Variants in BCR observed in about 807,000 individuals in gnomAD.
The protein encoded by BCR is BCR activator of RhoGEF and GTPase.
BCR carries 58 observed loss-of-function variants against 138.6 expected under a neutral mutation model. The observed-to-expected ratio is 0.42, with a 90% CI of 0.34 to 0.52. The LOEUF (loss-of-function observed/expected upper bound fraction) is 0.52, where lower values mean the gene tolerates loss of function less well. Among genes scored for constraint, BCR ranks in the 20% least tolerant of loss-of-function variants. The pLI is 0.06. For missense variants in BCR, 1,599 were observed against 1,727.2 expected (o/e 0.93, Z 1.32); for synonymous variants, 786 against 730.1 (o/e 1.08, Z -1.23).
intron 1 of BCR, among the ~76,000 whole-genome samples, chr22:23,241,629 TAGAA>T (rs1304539023): frequency 1.3e-5 from 2 of 152,158 alleles, no homozygotes; most frequent in Admixed American, 6.5e-5. Flanking sequence ...CCTCAGGGAC[TAGAA>T]GCTCAGCATC....
chr22:23,225,783 C>G (rs539319135), intron 1 of BCR, among the ~76,000 whole-genome samples: 1 of 152,226 alleles, frequency 6.6e-6, no homozygotes, highest in South Asian at 2.1e-4. Flanking sequence ...TCATCCAAGA[C>G]TCCTCCCTTT....
At chr22:23,264,049 G>A (rs1395188685) in intron 4 of BCR, 3 of 1,036,404 alleles carry the variant, frequency 2.9e-6, no homozygotes, top group African/African-American at 3.1e-5. Flanking sequence ...CTGCTCTCCT[G>A]TGGCTATGAC....
At chr22:23,217,095 C>T in intron 1 of BCR, 1 of 438,296 alleles carries the variant, frequency 2.3e-6, no homozygotes, top group Admixed American at 2.5e-5. Context: ...GCTCCCACCA[C>T]AGGATTTTAG....
At chr22:23,262,710 CGGGCCCGGG>C in intron 4 of BCR, 1 of 772,774 alleles carries the variant, frequency 1.3e-6, no homozygotes, top group Non-Finnish European at 1.6e-6. Context: ...CGGGTGAGGG[CGGGCCCGGG>C]TGAGGGCGGG....
chr22:23,280,095 G>T (rs1011989162), intron 8 of BCR, among the ~76,000 whole-genome samples: 1 of 152,146 alleles, frequency 6.6e-6, no homozygotes, highest in African/African-American at 2.4e-5. Context: ...CCTCGCAAAG[G>T]CCCCACCTCC....
At chr22:23,189,414 T>C (rs934933751) in intron 1 of BCR, among the ~76,000 whole-genome samples, 13 of 152,198 alleles carry the variant, frequency 8.5e-5, no homozygotes, top group African/African-American at 2.4e-4. Context: ...TGGAGTCTTA[T>C]AATATTTGTC....
intron 22 of BCR, among the ~76,000 whole-genome samples, 168 bp from the exon 23 acceptor site, chr22:23,315,265 C>T (rs1179641011): frequency 6.6e-6 from 1 of 151,598 alleles, no homozygotes; most frequent in African/African-American, 2.4e-5. Flanking sequence ...CAAGTCATGC[C>T]TTGTCAGGAC....
chr22:23,261,401 T>A lies in BCR; in HGVS notation c.1613T>A (p.Leu538Gln). Reference protein sequence around the residue: ...KAAATTSQPVLTSQQIETIFF... With the variant: ...KAAATTSQPVQTSQQIETIFF... ...GCTGCCACCACCTCTCAGCCGGTGC[T>A]GACGAGTCAGCAGATCGAGACCATC... Residue 538 changes from leucine (L) to glutamine (Q), a missense_variant, in exon 4 of 23, where the codon CTG becomes CAG. Coordinates refer to ENST00000305877, the MANE Select transcript of BCR (RefSeq NM_004327.4). The A allele has an allele frequency of 6.2e-7, 1 of 1,613,886 alleles. No homozygotes were observed. The highest frequency in any genetic ancestry group is 8.5e-7 in the Non-Finnish European group (1 of 1,179,990).
intron 16 of BCR, among the ~76,000 whole-genome samples, chr22:23,300,626 G>A (rs545254555): frequency 3.3e-5 from 5 of 152,330 alleles, no homozygotes; most frequent in South Asian, 4.1e-4. Flanking sequence ...GAGACCGCCC[G>A]AAAATGGGTG....
At chr22:23,222,328 A>G (rs1016479435) in intron 1 of BCR, among the ~76,000 whole-genome samples, 1 of 152,210 alleles carries the variant, frequency 6.6e-6, no homozygotes, top group Non-Finnish European at 1.5e-5. Flanking sequence ...AGTAAGGCAT[A>G]GAAAACTGTC....
At chr22:23,276,667 C>T (rs946950843) in intron 8 of BCR, among the ~76,000 whole-genome samples, 1 of 152,344 alleles carries the variant, frequency 6.6e-6, no homozygotes, top group Admixed American at 6.5e-5. Context: ...ATGATAGATG[C>T]CTGTGCTTTG....
chr22:23,270,685 C>T (rs2073500274), intron 5 of BCR, among the ~76,000 whole-genome samples: 1 of 152,228 alleles, frequency 6.6e-6, no homozygotes, highest in Non-Finnish European at 1.5e-5. Context: ...AAGAGGTTGG[C>T]AGAGCAACCT....
At chr22:23,233,666 T>G (rs1408534796) in intron 1 of BCR, among the ~76,000 whole-genome samples, 2 of 151,862 alleles carry the variant, frequency 1.3e-5, no homozygotes, top group African/African-American at 4.8e-5. Context: ...CTTACACTCT[T>G]GTAGTCCCAG....
At chr22:23,301,436 CGT>C (rs1185310325) in intron 16 of BCR, among the ~76,000 whole-genome samples, 1 of 152,252 alleles carries the variant, frequency 6.6e-6, no homozygotes. Context: ...TCAGGGCCCC[CGT>C]CCCTGTTGCG....
intron 16 of BCR, among the ~76,000 whole-genome samples, chr22:23,301,120 A>G (rs1054507265): frequency 4.6e-5 from 7 of 152,252 alleles, no homozygotes; most frequent in African/African-American, 1.7e-4. Context: ...CCTGACCAAC[A>G]TGGTGAAACC....
intron 1 of BCR, among the ~76,000 whole-genome samples, chr22:23,202,545 C>T (rs985408341): frequency 6.6e-6 from 1 of 152,142 alleles, no homozygotes; most frequent in Non-Finnish European, 1.5e-5. Flanking sequence ...GTCCCTGTAA[C>T]CACCATTCTA....
intron 4 of BCR, chr22:23,263,348 G>GGC: frequency 8.3e-7 from 1 of 1,199,776 alleles, no homozygotes; most frequent in Non-Finnish European, 1.2e-6. Context: ...AGATAGCCTG[G>GGC]GCCTCGCTCA....
chr22:23,282,676 G>A (rs2073661763), intron 8 of BCR, among the ~76,000 whole-genome samples: 1 of 152,210 alleles, frequency 6.6e-6, no homozygotes, highest in Admixed American at 6.5e-5. Context: ...CTGGCTCCCT[G>A]AGAGCACAAG....
In BCR at chr22:23,293,858, C is replaced by T. The variant is rs143846628; in HGVS notation, c.2881-1166C>T. Reference sequence around the variant, plus strand: ...GAAATTCCTGCTGCTTGCTTCTTCCCGCACCCTCCTCCATTTCCCCGCCAA... The same window carrying T: ...GAAATTCCTGCTGCTTGCTTCTTCCTGCACCCTCCTCCATTTCCCCGCCAA... On this transcript the variant is annotated intron_variant, in intron 15 of 22. Transcript: ENST00000305877. Among the ~76,000 whole-genome samples the T allele has an allele frequency of 2.6e-4, 40 of 152,128 alleles. 1 individual carries two copies. In the East Asian group the frequency reaches 4.1e-3, roughly 16 times the overall value.
Sources: gnomAD v4.1 joint callset for allele counts (sites outside exome capture counted in the v4.1 genomes callset) on GRCh38, gnomAD v4.1.1 for gene constraint, MANE v1.5 for transcripts, NCBI Gene and HGNC (gene_info 2026-07-23, HGNC 2026-07-21) for gene names.